The following B3GLCT variants were observed in gnomAD, a reference collection of about 807,000 sequenced individuals.
B3GLCT encodes the protein beta 3-glucosyltransferase.
Under a neutral mutation model 63.4 loss-of-function variants are expected in B3GLCT, and 65 were observed. That is an observed-to-expected ratio of 1.03 (90% CI 0.84 to 1.26). The LOEUF (loss-of-function observed/expected upper bound fraction) is 1.26. Among genes scored for constraint, B3GLCT ranks in the 50% most tolerant of loss-of-function variants. B3GLCT has a pLI of 0.00. For missense variants in B3GLCT, 577 were observed against 604.8 expected (o/e 0.95, Z 0.48); for synonymous variants, 233 against 219.2 (o/e 1.06, Z -0.55).
At chr13:31,297,331 G>A (rs1310313701) in intron 12 of B3GLCT, among the ~76,000 whole-genome samples, 1 of 148,528 alleles carries the variant, frequency 6.7e-6, no homozygotes, top group Non-Finnish European at 1.5e-5. Flanking sequence ...AGTGCACAAG[G>A]TTTCCAGTTT....
At chr13:31,277,594 A>C (rs1242168925) in intron 10 of B3GLCT, among the ~76,000 whole-genome samples, 1 of 152,090 alleles carries the variant, frequency 6.6e-6, no homozygotes, top group African/African-American at 2.4e-5. Flanking sequence ...TTCTAAACCA[A>C]CTGTCATTTT....
rs147019945 is a variant in B3GLCT at position 31,213,221 on chromosome 13, C to G, written c.71-1830C>G. ...CCCATAGTGAAGACTTTCACTCATT[C>G]ATTTATTAAGTAAATATTTATTGAG... On this transcript the variant is annotated intron_variant, in intron 1 of 14. Transcript: ENST00000343307. Among the ~76,000 whole-genome samples the G allele has an allele frequency of 8.9e-4, 135 of 152,322 alleles. 2 individuals are homozygous for G. The East Asian group carries it at 0.012, about 13-fold the overall frequency.
At chr13:31,297,151 A>T (rs761420185) in intron 12 of B3GLCT, among the ~76,000 whole-genome samples, 1 of 151,940 alleles carries the variant, frequency 6.6e-6, no homozygotes, top group Non-Finnish European at 1.5e-5. Flanking sequence ...TACAGTATGG[A>T]TAGACCATAT....
chr13:31,301,465 C>T lies in B3GLCT; in HGVS notation c.1064+14646C>T, dbSNP rs567302788. 1.9e-3 allele frequency among the ~76,000 whole-genome samples: 292 copies of T among 152,274 alleles called. 2 individuals carry two copies. The highest frequency in any genetic ancestry group is 0.014 in the Middle Eastern group (4 of 294). On this transcript the variant is annotated intron_variant, in intron 12 of 14. Transcript: ENST00000343307. ...TCCCAGTCAGATAAAATGTCTCTTCCCATAATGCAGTCAGGTAAAAGAGAT... is the reference window on the plus strand; with the variant it reads ...TCCCAGTCAGATAAAATGTCTCTTCTCATAATGCAGTCAGGTAAAAGAGAT...
chr13:31,203,507 T>C (rs914381539), intron 1 of B3GLCT, among the ~76,000 whole-genome samples: 5 of 152,230 alleles, frequency 3.3e-5, no homozygotes, highest in Non-Finnish European at 7.3e-5. Context: ...ACAAACATTG[T>C]GGGCTCGGTA....
intron 2 of B3GLCT, 28 bp from the exon 3 acceptor site, chr13:31,222,924 A>G (rs1361880755): frequency 1.4e-6 from 2 of 1,443,790 alleles, no homozygotes; most frequent in African/African-American, 1.4e-5. Context: ...ACTGAGATTC[A>G]TCTTTTTCTC....
At chr13:31,288,799 T>C (rs1364308558) in intron 12 of B3GLCT, among the ~76,000 whole-genome samples, 1 of 151,990 alleles carries the variant, frequency 6.6e-6, no homozygotes, top group East Asian at 1.9e-4. Context: ...ATACCAGATA[T>C]GCAGATATCA....
At chr13:31,320,160 G>A (rs1286266879) in intron 13 of B3GLCT, among the ~76,000 whole-genome samples, 1 of 152,154 alleles carries the variant, frequency 6.6e-6, no homozygotes, top group East Asian at 1.9e-4. Flanking sequence ...AGCAGATCTG[G>A]TCCTGTCTCC....
Position 31,329,488 on chromosome 13 carries a change from A to G in B3GLCT, c.1330-13A>G, listed in dbSNP as rs1416013055. ...AATCAACAAGGAAGCCTAACTCTCT[A>G]TTTTTCCTGCAGGCTCGGCCGGTGG... On this transcript the variant is annotated splice_polypyrimidine_tract_variant and intron_variant, in intron 14 of 14. Transcript: ENST00000343307. 3 of 1,614,042 alleles carry G rather than the reference A, an allele frequency of 1.9e-6. No individual in the cohort carries two copies. The highest frequency in any genetic ancestry group is 2.5e-6 in the Non-Finnish European group (3 of 1,179,994).
Position 31,226,004 on chromosome 13 carries a change from G to A in B3GLCT, c.160+3013G>A, listed in dbSNP as rs1481030634. Among the ~76,000 whole-genome samples the A allele has an allele frequency of 3.3e-5, 5 of 152,300 alleles. No homozygotes were observed. The East Asian group carries it at 5.8e-4, about 18-fold the overall frequency. ...TCAGAAATGCCTGACAGACATGGTC[G>A]TTCACTCAGGGAGACTGCAGAGATA... On this transcript the variant is annotated intron_variant, in intron 3 of 14. Transcript: ENST00000343307.
intron 4 of B3GLCT, among the ~76,000 whole-genome samples, chr13:31,244,028 C>T (rs1224013501): frequency 6.6e-6 from 1 of 152,186 alleles, no homozygotes; most frequent in Non-Finnish European, 1.5e-5. Context: ...GAAATAGTAG[C>T]ATGATTAGGC....
intron 4 of B3GLCT, among the ~76,000 whole-genome samples, chr13:31,232,782 A>G (rs1244653233): frequency 6.6e-6 from 1 of 152,182 alleles, no homozygotes; most frequent in East Asian, 1.9e-4. Flanking sequence ...CTTCTATTGT[A>G]TACTTTTCAT....
At chr13:31,236,658 T>G (rs1418060474) in intron 4 of B3GLCT, among the ~76,000 whole-genome samples, 3 of 152,250 alleles carry the variant, frequency 2.0e-5, no homozygotes, top group Non-Finnish European at 4.4e-5. Context: ...AGTGAGCTGT[T>G]ACAGCTTAGG....
intron 3 of B3GLCT, among the ~76,000 whole-genome samples, chr13:31,226,268 C>G (rs999402632): frequency 6.6e-6 from 1 of 151,936 alleles, no homozygotes; most frequent in Non-Finnish European, 1.5e-5. Flanking sequence ...TGCGACTGGG[C>G]TCACTCGTTC....
intron 1 of B3GLCT, among the ~76,000 whole-genome samples, chr13:31,207,815 C>G (rs1355639966): frequency 2.0e-5 from 3 of 152,208 alleles, no homozygotes; most frequent in Admixed American, 1.3e-4. Flanking sequence ...CCTCCTTCCT[C>G]ACTACTTCTC....
At chr13:31,315,687 G>A (rs894166944) in intron 12 of B3GLCT, among the ~76,000 whole-genome samples, 1 of 152,266 alleles carries the variant, frequency 6.6e-6, no homozygotes, top group South Asian at 2.1e-4. Flanking sequence ...GCAGAAATTT[G>A]TGTAAGTAAC....
chr13:31,201,242 A>C (rs1868653381), intron 1 of B3GLCT, among the ~76,000 whole-genome samples: 1 of 152,294 alleles, frequency 6.6e-6, no homozygotes, highest in African/African-American at 2.4e-5. Context: ...AGCCCACCGG[A>C]ACCTTGACAG....
chr13:31,263,574 A>T (rs1313552317), intron 7 of B3GLCT, among the ~76,000 whole-genome samples: 5 of 152,134 alleles, frequency 3.3e-5, no homozygotes, highest in Admixed American at 1.3e-4. Context: ...TTACTGTCTC[A>T]TGCTCACCAC....
At chr13:31,264,237 G>C (rs1052702552) in intron 7 of B3GLCT, among the ~76,000 whole-genome samples, 1 of 152,120 alleles carries the variant, frequency 6.6e-6, no homozygotes, top group African/African-American at 2.4e-5. Flanking sequence ...TCAGACCATA[G>C]TAATAGGGAA....
Sources: gnomAD v4.1 joint callset for allele counts (sites outside exome capture counted in the v4.1 genomes callset) on GRCh38, gnomAD v4.1.1 for gene constraint, MANE v1.5 for transcripts, NCBI Gene and HGNC (gene_info 2026-07-23, HGNC 2026-07-21) for gene names.